DOCK2: variants seen among roughly 807,000 people sequenced by gnomAD.
DOCK2 encodes the protein dedicator of cytokinesis 2, also known as dedicator of cytokinesis protein 2.
Under a neutral mutation model 248.9 loss-of-function variants are expected in DOCK2, and 87 were observed. That is an observed-to-expected ratio of 0.35 (90% CI 0.29 to 0.42). The LOEUF is 0.42. Among genes scored for constraint, DOCK2 ranks in the 10% least tolerant of loss-of-function variants. The pLI, the probability that DOCK2 is intolerant of heterozygous loss-of-function variation, is 1.00. For missense variants in DOCK2, 1,747 were observed against 2,300.2 expected (o/e 0.76, Z 4.92); for synonymous variants, 805 against 821.6 (o/e 0.98, Z 0.35).
intron 27 of DOCK2, among the ~76,000 whole-genome samples, chr5:169,969,630 G>A (rs1777427964): frequency 6.6e-6 from 1 of 152,302 alleles, no homozygotes; most frequent in South Asian, 2.1e-4. Context: ...GAGGGGAGTG[G>A]CGGAGGCTGT....
intron 26 of DOCK2, among the ~76,000 whole-genome samples, chr5:169,812,812 A>G (rs155073): frequency 1.3e-5 from 2 of 152,096 alleles, no homozygotes; most frequent in Non-Finnish European, 1.5e-5. Flanking sequence ...AGTACAGGGT[A>G]AAGTGGCTTC....
Position 169,692,175 on chromosome 5 carries a change from G to T in DOCK2, c.843+2842G>T, listed in dbSNP as rs540780837. On this transcript the variant is annotated intron_variant, in intron 9 of 51. Transcript: ENST00000520908. ...GGCCCTTTCCCTCTGTTTTGTAAGG[G>T]TTTACCCCACAAGGCTATGTAAGAA... is the stretch of plus-strand genomic sequence containing the variant. Among the ~76,000 whole-genome samples the T allele has an allele frequency of 2.1e-3, 327 of 152,230 alleles. 1 individual carries two copies. The highest frequency in any genetic ancestry group is 7.5e-3 in the African/African-American group (310 of 41,522).
At chr5:169,800,957 T>C (rs1766937231) in intron 25 of DOCK2, among the ~76,000 whole-genome samples, 2 of 84,778 alleles carry the variant, frequency 2.4e-5, no homozygotes, top group Admixed American at 1.1e-4. Flanking sequence ...TTTTTTTTTT[T>C]TTTTTTTTTT....
rs1215565580 is a variant in DOCK2 at position 169,717,469 on chromosome 5, C to T, written c.2117C>T (p.Ala706Val). Residue 706 changes from alanine to valine, a missense_variant, in exon 21 of 52, where the codon GCG (alanine) becomes GTG (valine). This residue lies in a region of DOCK2 where 858 missense variants were observed against 1,183.5 expected (regional missense o/e 0.72). Transcript: ENST00000520908. Reference protein sequence around the residue: ...LEAYIQQHFSATLAYKKLMTV... With the variant: ...LEAYIQQHFSVTLAYKKLMTV... ...GCTTACATCCAACAGCATTTCAGTG[C>T]GACCTTGGCTTACAAGTAAGTAATT... The T allele has an allele frequency of 1.2e-6, 2 of 1,613,674 alleles. No individual in the cohort carries two copies. The highest frequency in any genetic ancestry group is 2.2e-5 in the East Asian group (1 of 44,866).
At chr5:169,929,741 CAAAAAAAAA>C (rs1211612989) in intron 27 of DOCK2, among the ~76,000 whole-genome samples, 1 of 62,960 alleles carries the variant, frequency 1.6e-5, no homozygotes, top group African/African-American at 5.5e-5. Flanking sequence ...GACCCTGTCT[CAAAAAAAAA>C]AAAAAAAAAA....
At chr5:169,680,591 T>C (rs1759605114) in intron 6 of DOCK2, among the ~76,000 whole-genome samples, 1 of 152,176 alleles carries the variant, frequency 6.6e-6, no homozygotes, top group Non-Finnish European at 1.5e-5. Flanking sequence ...CATGGTGGCA[T>C]GTGCCTGTAG....
At chr5:169,958,300 G>A (rs186053671) in intron 27 of DOCK2, among the ~76,000 whole-genome samples, 2 of 152,264 alleles carry the variant, frequency 1.3e-5, no homozygotes, top group Admixed American at 6.5e-5. Flanking sequence ...GAATCTATTA[G>A]ATATGGTCTT....
At chr5:169,906,103 A>G (rs1259215795) in intron 27 of DOCK2, among the ~76,000 whole-genome samples, 1 of 152,192 alleles carries the variant, frequency 6.6e-6, no homozygotes, top group African/African-American at 2.4e-5. Context: ...AGAGTTACCA[A>G]ACGGTCCTGA....
chr5:170,036,551 A>T lies in DOCK2; in HGVS notation c.3661A>T (p.Ile1221Leu), dbSNP rs781291524. The T allele has an allele frequency of 2.5e-6, 4 of 1,613,126 alleles. No individual in the cohort carries two copies. In the South Asian group the frequency reaches 4.4e-5, roughly 18 times the overall value. The change falls in exon 36 of 52, where the codon ATA (isoleucine) becomes TTA (leucine). Residue 1221 changes from isoleucine (I) to leucine (L), a missense_variant. Coordinates refer to ENST00000520908, the MANE Select transcript of DOCK2 (RefSeq NM_004946.3). The stretch of plus-strand genomic sequence containing the variant: ...AGATAACAACAGGGAGGAGATGTAC[A>T]TAAGGTAAGATTCATATTTTCTAAA... Reference protein sequence around the residue: ...YKDNNREEMYIRYLYKLRDLH... With the variant: ...YKDNNREEMYLRYLYKLRDLH...
intron 48 of DOCK2, 39 bp from the exon 49 acceptor site, chr5:170,078,936 C>G (rs1160639600): frequency 1.2e-6 from 2 of 1,609,652 alleles, no homozygotes; most frequent in South Asian, 1.1e-5. Context: ...TACTGAAGCT[C>G]TAACTGCAGT....
chr5:170,028,320 C>T (rs1755997177), intron 34 of DOCK2, among the ~76,000 whole-genome samples: 1 of 152,200 alleles, frequency 6.6e-6, no homozygotes, highest in South Asian at 2.1e-4. Context: ...AATAACTTAG[C>T]ATGCTATTGT....
intron 33 of DOCK2, among the ~76,000 whole-genome samples, chr5:170,024,086 C>G (rs1755821098): frequency 6.6e-6 from 1 of 152,242 alleles, no homozygotes; most frequent in African/African-American, 2.4e-5. Context: ...TCCACTCCTC[C>G]TTTCTCGATT....
At chr5:169,882,579 C>A in intron 27 of DOCK2, 1 of 1,548,790 alleles carries the variant, frequency 6.5e-7, no homozygotes, top group Non-Finnish European at 8.7e-7. Flanking sequence ...GAGCTTTCTC[C>A]AAGTCTTGAA....
chr5:169,825,888 C>T (rs1296695906), intron 26 of DOCK2, among the ~76,000 whole-genome samples: 2 of 150,728 alleles, frequency 1.3e-5, no homozygotes, highest in Non-Finnish European at 3.0e-5. Flanking sequence ...CAACACTACA[C>T]CCTCTTGGTT....
At position 169,882,997 on chromosome 5, in the gene DOCK2, C is replaced by T. The variant is rs1424885043; in HGVS notation, c.2799+42145C>T. The T allele has an allele frequency of 9.7e-6, 15 of 1,551,646 alleles. No individual in the cohort carries two copies. Among genetic ancestry groups the T allele is most frequent in the Middle Eastern group, 1.7e-4 (1 of 5,986 alleles). ...GTGAGTCCGTGGAGATGAAGGAACA[C>T]ACGTTTCCTTTGACTGAGATGACAG... On this transcript the variant is annotated intron_variant, in intron 27 of 51. Transcript: ENST00000520908.
chr5:169,656,224 G>A (rs1029670250), intron 2 of DOCK2, among the ~76,000 whole-genome samples: 5 of 152,126 alleles, frequency 3.3e-5, no homozygotes, highest in Non-Finnish European at 7.3e-5. Context: ...CATGCTACTG[G>A]ATGCTAATCC....
chr5:169,765,718 G>A (rs1256483362), intron 25 of DOCK2, among the ~76,000 whole-genome samples: 1 of 152,196 alleles, frequency 6.6e-6, no homozygotes, highest in Non-Finnish European at 1.5e-5. Context: ...GAAGAAGGGG[G>A]GAGAGAGGGA....
intron 7 of DOCK2, among the ~76,000 whole-genome samples, chr5:169,682,497 C>A (rs1759721161): frequency 6.6e-6 from 1 of 152,142 alleles, no homozygotes; most frequent in Non-Finnish European, 1.5e-5. Context: ...TAGGTGGAGA[C>A]AGATCTCAAA....
intron 27 of DOCK2, among the ~76,000 whole-genome samples, chr5:169,847,968 C>G (rs968644840): frequency 6.6e-6 from 1 of 152,126 alleles, no homozygotes; most frequent in Non-Finnish European, 1.5e-5. Flanking sequence ...TTTAAAAAAG[C>G]TGTGGTATAA....
Sources: gnomAD v4.1 joint callset for allele counts (sites outside exome capture counted in the v4.1 genomes callset) on GRCh38, gnomAD v4.1.1 for gene constraint, gnomAD v4.1.1 regional missense constraint, MANE v1.5 for transcripts, NCBI Gene and HGNC (gene_info 2026-07-23, HGNC 2026-07-21) for gene names.